Variants in ATP7A observed in about 807,000 individuals in gnomAD.
ATP7A encodes the protein ATPase copper transporting alpha.
ATP7A carries 7 observed loss-of-function variants against 83.5 expected under a neutral mutation model. The observed-to-expected ratio is 0.08, with a 90% CI of 0.05 to 0.16. The LOEUF (loss-of-function observed/expected upper bound fraction) is 0.16. ATP7A is among the 10% of genes least tolerant of loss of function. The pLI is 1.00. For missense variants in ATP7A, 940 were observed against 1,120.8 expected (o/e 0.84, Z 2.30); for synonymous variants, 354 against 395.2 (o/e 0.90, Z 1.24).
At position 77,989,246 on chromosome X, in the gene ATP7A, T is replaced by C; in HGVS notation, c.624T>C (p.Asn208=). ...TTTATTAACTAGTCTCCCTGGACAATCAAGAAGCTACTATTGTTTATCAAC... is the reference window on the plus strand; with the variant it reads ...TTTATTAACTAGTCTCCCTGGACAACCAAGAAGCTACTATTGTTTATCAAC... The part of the protein sequence containing the change: ...GVQRIKVSLD[N]QEATIVYQPH... The change falls in exon 4 of 23, where the codon AAT becomes AAC. Residue 208 remains asparagine (N), a synonymous_variant. Transcript: ENST00000341514. 1 of 1,207,136 alleles carries C rather than the reference T, an allele frequency of 8.3e-7. No homozygotes were observed. The highest frequency in any genetic ancestry group is 3.0e-5 in the East Asian group (1 of 33,826).
At chrX:77,965,557 GAGTATAAATGGTA>G in intron 1 of ATP7A, 1 of 171,491 alleles carries the variant, frequency 5.8e-6, no homozygotes, top group Non-Finnish European at 1.1e-5. Flanking sequence ...CTGCTCATGG[GAGTATAAATGGTA>G]CAGTCACTTT....
chrX:78,045,278 G>C (rs1557238957), intron 21 of ATP7A, among the ~76,000 whole-genome samples, 192 bp from the exon 22 acceptor site: 4 of 111,512 alleles, frequency 3.6e-5, no homozygotes, highest in African/African-American at 9.8e-5. Flanking sequence ...CATGGACACG[G>C]GGAGACATGT....
chrX:78,044,196 G>T (rs1325381319), intron 21 of ATP7A, among the ~76,000 whole-genome samples: 1 of 99,938 alleles, frequency 1.0e-5, no homozygotes, highest in Non-Finnish European at 2.0e-5. Flanking sequence ...GGAGGTTGTG[G>T]TGAGCCAAGA....
intron 6 of ATP7A, among the ~76,000 whole-genome samples, chrX:78,005,683 C>CAAAA (rs1218646073): frequency 4.4e-4 from 6 of 13,692 alleles, no homozygotes; most frequent in African/African-American, 5.9e-4. Context: ...AACTCCATCT[C>CAAAA]AAAAAAAAAA....
intron 1 of ATP7A, among the ~76,000 whole-genome samples, chrX:77,956,437 C>G (rs1197268342): frequency 1.8e-5 from 2 of 111,901 alleles, no homozygotes; most frequent in African/African-American, 6.5e-5. Flanking sequence ...AATGTAATCC[C>G]CAGTGTTGGA....
At chrX:77,921,838 G>A (rs1257357091) in intron 1 of ATP7A, among the ~76,000 whole-genome samples, 5 of 111,440 alleles carry the variant, frequency 4.5e-5, no homozygotes, top group African/African-American at 1.3e-4. Context: ...CCCAGGAGGC[G>A]GAGGGTGTGG....
intron 22 of ATP7A, among the ~76,000 whole-genome samples, chrX:78,045,958 A>G (rs2078080657): frequency 1.8e-5 from 2 of 112,161 alleles, no homozygotes; most frequent in South Asian, 7.5e-4. Flanking sequence ...ACTCCAGCCT[A>G]GGCAACAGAG....
At chrX:77,983,234 C>A (rs2077614277) in intron 2 of ATP7A, among the ~76,000 whole-genome samples, 2 of 111,772 alleles carry the variant, frequency 1.8e-5, no homozygotes, top group African/African-American at 6.5e-5. Flanking sequence ...CTGATGACAA[C>A]CTAAGAAGTG....
At chrX:77,977,843 T>G (rs1557230478) in intron 2 of ATP7A, among the ~76,000 whole-genome samples, 2 of 112,381 alleles carry the variant, frequency 1.8e-5, no homozygotes, top group Non-Finnish European at 3.8e-5. Flanking sequence ...AAAACACACT[T>G]GTTCTGCCTT....
At chrX:77,926,704 G>C (rs1321791037) in intron 1 of ATP7A, among the ~76,000 whole-genome samples, 1 of 108,883 alleles carries the variant, frequency 9.2e-6, no homozygotes, top group Non-Finnish European at 1.9e-5. Context: ...CTTGACTTTT[G>C]CAATTTTTTT....
chrX:77,927,502 G>C (rs1354696130), intron 1 of ATP7A, among the ~76,000 whole-genome samples: 3 of 111,492 alleles, frequency 2.7e-5, no homozygotes, highest in Non-Finnish European at 5.7e-5. Context: ...TTGATATTTA[G>C]GTTGGTTCCA....
chrX:78,026,542 A>C (rs1446465887), intron 14 of ATP7A, among the ~76,000 whole-genome samples: 1 of 111,960 alleles, frequency 8.9e-6, no homozygotes, highest in African/African-American at 3.2e-5. Context: ...GACAAAAATT[A>C]GCAAAGAAAC....
In ATP7A at chrX:78,049,701, T is replaced by C. The variant is rs1229314719; in HGVS notation, c.*3131T>C. The C allele has an allele frequency of 8.9e-6, 1 of 112,781 alleles. No homozygotes were observed. The highest frequency in any genetic ancestry group is 1.9e-5 in the Non-Finnish European group (1 of 53,238). The allele number at this position is 112,781 out of a possible 1,213,427, so 9.3% of individuals were successfully genotyped here. A position where few individuals can be genotyped will look rare whatever the true frequency, so the allele number is the denominator to read the frequency against. ...TTAATTTTTTAAAAAGTATTCTTTA[T>C]TCATATGTATAGAATGCTTAAAATA... On this transcript the variant is annotated 3_prime_UTR_variant, in exon 23 of 23. Coordinates refer to ENST00000341514, the MANE Select transcript of ATP7A (RefSeq NM_000052.7).
intron 2 of ATP7A, among the ~76,000 whole-genome samples, chrX:77,983,256 G>GT (rs781950661): frequency 8.9e-6 from 1 of 112,200 alleles, no homozygotes; most frequent in Non-Finnish European, 1.9e-5. Flanking sequence ...TAGTAACATA[G>GT]TTTTTTAGCT....
chrX:77,923,840 CAAAAG>C (rs1557223346), intron 1 of ATP7A: 2 of 110,899 alleles, frequency 1.8e-5, no homozygotes, highest in African/African-American at 6.5e-5. Context: ...CAGCCTTCAT[CAAAAG>C]AAAAAAGGCA....
chrX:77,948,688 G>A (rs2077397488), intron 1 of ATP7A, among the ~76,000 whole-genome samples: 1 of 111,034 alleles, frequency 9.0e-6, no homozygotes, highest in Admixed American at 9.6e-5. Context: ...GAAGAACAAA[G>A]TGGACGTCGG....
intron 19 of ATP7A, among the ~76,000 whole-genome samples, chrX:78,042,115 T>TC (rs1285516334): frequency 2.1e-5 from 1 of 47,793 alleles, no homozygotes; most frequent in Non-Finnish European, 3.5e-5. Flanking sequence ...AGACTCTGTC[T>TC]CAAAAAAAAA....
chrX:77,916,078 G>A (rs943034824), intron 1 of ATP7A, among the ~76,000 whole-genome samples: 1 of 110,994 alleles, frequency 9.0e-6, no homozygotes, highest in Non-Finnish European at 1.9e-5. Flanking sequence ...AAAATTGGCC[G>A]GTGCGGTGGC....
intron 1 of ATP7A, chrX:77,969,467 A>T: frequency 3.3e-6 from 4 of 1,210,296 alleles, no homozygotes; most frequent in Non-Finnish European, 4.5e-6. Context: ...TTCTGCACTG[A>T]GGTGAGGCAG....
Sources: allele counts gnomAD v4.1 joint callset (sites outside exome capture counted in the v4.1 genomes callset), GRCh38; gene constraint gnomAD v4.1.1; transcripts MANE v1.5; gene names NCBI Gene and HGNC (gene_info 2026-07-23, HGNC 2026-07-21).